The following MGAT5 variants were observed in gnomAD, a reference collection of about 807,000 sequenced individuals.
MGAT5 encodes the protein alpha-1,6-mannosylglycoprotein 6-beta-N-acetylglucosaminyltransferase, also known as alpha-1,6-mannosylglycoprotein 6-beta-N-acetylglucosaminyltransferase A.
In MGAT5, 30 loss-of-function variants were observed where a neutral mutation model predicts 94.3. The ratio of observed to expected loss-of-function variants is 0.32; its 90% CI spans 0.24 to 0.43. The LOEUF (loss-of-function observed/expected upper bound fraction) is 0.43, where lower values mean the gene tolerates loss of function less well. Among genes scored for constraint, MGAT5 ranks in the 20% least tolerant of loss-of-function variants. The pLI, the probability that MGAT5 is intolerant of heterozygous loss-of-function variation, is 1.00. For missense variants in MGAT5, 691 were observed against 905.5 expected, an observed-to-expected ratio of 0.76 and a Z score of 3.04; for synonymous variants, 310 against 322.9, an observed-to-expected ratio of 0.96 and a Z score of 0.43.
intron 1 of MGAT5, among the ~76,000 whole-genome samples, chr2:134,212,649 A>G (rs1680262739): frequency 6.6e-6 from 1 of 152,226 alleles, no homozygotes; most frequent in Admixed American, 6.5e-5. Flanking sequence ...CCTTGGGAAA[A>G]TGTTAAATCA....
At chr2:134,259,091 C>T (rs147048361) in intron 1 of MGAT5, among the ~76,000 whole-genome samples, 1,659 of 152,346 alleles carry the variant, frequency 0.011, 13 homozygotes, top group East Asian at 0.012. Flanking sequence ...TCAGAACTCC[C>T]GGGCAGCCCG....
intron 2 of MGAT5, among the ~76,000 whole-genome samples, chr2:134,281,471 A>G (rs961728317): frequency 1.3e-5 from 2 of 152,266 alleles, no homozygotes; most frequent in Non-Finnish European, 2.9e-5. Flanking sequence ...TTGACCCTCA[A>G]CTTGTAGATG....
intron 10 of MGAT5, among the ~76,000 whole-genome samples, chr2:134,388,233 C>T (rs1228730336): frequency 7.2e-5 from 11 of 152,130 alleles, no homozygotes; most frequent in African/African-American, 1.2e-4. Context: ...AATTTTGCCA[C>T]GAAACATTTC....
At chr2:134,223,472 A>G (rs982809134) in intron 1 of MGAT5, among the ~76,000 whole-genome samples, 4 of 151,728 alleles carry the variant, frequency 2.6e-5, no homozygotes, top group South Asian at 4.1e-4. Context: ...TTTGACAGTT[A>G]TAAGAGTAAT....
At chr2:134,315,082 G>A (rs938341302) in intron 2 of MGAT5, among the ~76,000 whole-genome samples, 1 of 152,166 alleles carries the variant, frequency 6.6e-6, no homozygotes, top group African/African-American at 2.4e-5. Context: ...CTTAATGAAT[G>A]GACCCACACT....
At chr2:134,409,474 C>G (rs576481380) in intron 11 of MGAT5, among the ~76,000 whole-genome samples, 1 of 152,294 alleles carries the variant, frequency 6.6e-6, no homozygotes, top group South Asian at 2.1e-4. Flanking sequence ...CCAGAACCTG[C>G]GCTGTTAATT....
At chr2:134,364,055 T>G (rs576302937) in intron 10 of MGAT5, among the ~76,000 whole-genome samples, 1 of 152,330 alleles carries the variant, frequency 6.6e-6, no homozygotes, top group Non-Finnish European at 1.5e-5. Flanking sequence ...TCACTTTGTT[T>G]TGGGGCCAAG....
intron 10 of MGAT5, among the ~76,000 whole-genome samples, chr2:134,387,007 A>C (rs1250410042): frequency 6.6e-6 from 1 of 152,080 alleles, no homozygotes; most frequent in Non-Finnish European, 1.5e-5. Context: ...CACACATGTA[A>C]TCCCATCACT....
At chr2:134,323,564 G>A (rs185450757) in intron 4 of MGAT5, among the ~76,000 whole-genome samples, 1 of 152,012 alleles carries the variant, frequency 6.6e-6, no homozygotes, top group Non-Finnish European at 1.5e-5. Context: ...CCAAAGTCCT[G>A]CACTTTTTGT....
rs756345986 is a variant in MGAT5 at position 134,270,346 on chromosome 2, G to A, written c.242-40G>A. On this transcript the variant is annotated intron_variant, in intron 1 of 15. Transcript: ENST00000281923. The stretch of plus-strand genomic sequence containing the variant: ...AGAGCAAGCCAGACAGATATGTAGA[G>A]GCCATAGAATTTTAAAATTGTCTGC... 6.9e-6 allele frequency: 11 copies of A among 1,590,504 alleles called. No homozygotes were observed. The African/African-American group carries it at 1.3e-4, about 19-fold the overall frequency.
chr2:134,364,542 A>G (rs1409548420), intron 10 of MGAT5, among the ~76,000 whole-genome samples: 2 of 152,150 alleles, frequency 1.3e-5, no homozygotes, highest in East Asian at 1.9e-4. Flanking sequence ...ATGTTGCTCA[A>G]GTGATCTGGA....
intron 9 of MGAT5, 22 bp downstream of exon 9, chr2:134,349,960 A>T (rs1256952217): frequency 5.0e-6 from 8 of 1,612,100 alleles, no homozygotes; most frequent in Admixed American, 3.3e-5. Context: ...TGTTTCATGT[A>T]TGCTTTCCAG....
At chr2:134,216,694 A>G (rs1337936506) in intron 1 of MGAT5, among the ~76,000 whole-genome samples, 2 of 152,228 alleles carry the variant, frequency 1.3e-5, no homozygotes, top group Non-Finnish European at 2.9e-5. Context: ...GAAGGTGATT[A>G]ATGAAGATGA....
At chr2:134,313,126 C>T (rs539767114) in intron 2 of MGAT5, among the ~76,000 whole-genome samples, 69 of 151,384 alleles carry the variant, frequency 4.6e-4, no homozygotes, top group African/African-American at 1.3e-3. Flanking sequence ...TTGTCCCTTT[C>T]GCTTCTTAAT....
chr2:134,280,436 G>A (rs1419899857), intron 2 of MGAT5, among the ~76,000 whole-genome samples: 1 of 152,226 alleles, frequency 6.6e-6, no homozygotes, highest in Non-Finnish European at 1.5e-5. Context: ...CGACATGTCT[G>A]GGATTGACAG....
intron 9 of MGAT5, among the ~76,000 whole-genome samples, chr2:134,352,490 A>C (rs993106500): frequency 6.6e-6 from 1 of 152,198 alleles, no homozygotes; most frequent in Admixed American, 6.5e-5. Context: ...GATACAAAGG[A>C]AGAGTGTGTG....
At chr2:134,278,932 C>A (rs1165223982) in intron 2 of MGAT5, among the ~76,000 whole-genome samples, 1 of 152,184 alleles carries the variant, frequency 6.6e-6, no homozygotes, top group Non-Finnish European at 1.5e-5. Flanking sequence ...TTTGTGATGT[C>A]CTTGCCTTGT....
chr2:134,412,886 G>A lies in MGAT5; in HGVS notation c.1548G>A (p.Gly516=), dbSNP rs957459343. Residue 516 remains glycine, a synonymous_variant, in exon 12 of 16, where the codon GGG becomes GGA. Transcript: ENST00000281923. ...LRETKLFVGL[G]FPYEGPAPLE... ...TCTTACAGTTGTTTGTTGGACTTGGGTTCCCTTACGAGGGCCCAGCTCCCC... is the reference window on the plus strand; with the variant it reads ...TCTTACAGTTGTTTGTTGGACTTGGATTCCCTTACGAGGGCCCAGCTCCCC... 6.2e-7 allele frequency: 1 copy of A among 1,614,024 alleles called. No individual in the cohort carries two copies. Among genetic ancestry groups the A allele is most frequent in the African/African-American group, 1.3e-5 (1 of 74,990 alleles).
chr2:134,366,710 ACT>A (rs1199098138), intron 10 of MGAT5, among the ~76,000 whole-genome samples: 2 of 151,886 alleles, frequency 1.3e-5, no homozygotes, highest in Non-Finnish European at 1.5e-5. Context: ...TGAGACGGAG[ACT>A]CTTTCTCACA....
Sources: allele counts gnomAD v4.1 joint callset (sites outside exome capture counted in the v4.1 genomes callset), GRCh38; gene constraint gnomAD v4.1.1; transcripts MANE v1.5; gene names NCBI Gene and HGNC (gene_info 2026-07-23, HGNC 2026-07-21).